SSBP2: variants seen among roughly 807,000 people sequenced by gnomAD.
The protein encoded by SSBP2 is single stranded DNA binding protein 2, also known as single-stranded DNA-binding protein 2.
A neutral mutation model predicts 61.8 loss-of-function variants in SSBP2; 17 were observed. The observed-to-expected ratio is 0.28, with a 90% CI of 0.19 to 0.41. SSBP2 has a LOEUF of 0.41. Among genes scored for constraint, SSBP2 ranks in the 10% least tolerant of loss-of-function variants. The probability of loss-of-function intolerance (pLI) is 1.00; values close to 1 mark genes in which losing one functional copy is unlikely to be tolerated. For missense variants in SSBP2, 310 were observed against 458.7 expected, an observed-to-expected ratio of 0.68 and a Z score of 2.96; for synonymous variants, 139 against 141.3, an observed-to-expected ratio of 0.98 and a Z score of 0.12.
chr5:81,492,717 T>C (rs1257626854), intron 5 of SSBP2, among the ~76,000 whole-genome samples: 1 of 152,100 alleles, frequency 6.6e-6, no homozygotes, highest in African/African-American at 2.4e-5. Context: ...AACATTTGAC[T>C]GGGAGTCAAA....
chr5:81,551,666 C>CTT lies in SSBP2; in HGVS notation c.283-37951_283-37950dup, dbSNP rs1230063482. On this transcript the variant is annotated intron_variant, in intron 4 of 16. Transcript: ENST00000320672. Reference sequence around the variant, plus strand: ...GCATTTCTTCCAGTAAAGCTCTCAACTTAAATCTTATTTAAATTTTTTGTT... The same window carrying CTT: ...GCATTTCTTCCAGTAAAGCTCTCAACTTTTAAATCTTATTTAAATTTTTTGTT... Among the ~76,000 whole-genome samples the CTT allele has an allele frequency of 9.2e-5, 14 of 152,206 alleles. No individual in the cohort carries two copies. In the South Asian group the frequency reaches 2.3e-3, roughly 25 times the overall value.
At chr5:81,514,708 A>G (rs10036712) in intron 4 of SSBP2, among the ~76,000 whole-genome samples, 62,926 of 151,874 alleles carry the variant, frequency 0.41, 15,197 homozygotes, top group African/African-American at 0.68. Flanking sequence ...TCATTCATGC[A>G]TTAATATTCC....
intron 4 of SSBP2, among the ~76,000 whole-genome samples, chr5:81,549,047 T>C (rs935553380): frequency 3.5e-4 from 53 of 152,214 alleles, no homozygotes; most frequent in African/African-American, 1.3e-3. Context: ...AAGCAAGATA[T>C]AGTTATAGTT....
At chr5:81,641,462 T>C (rs1282885764) in intron 2 of SSBP2, among the ~76,000 whole-genome samples, 1 of 152,226 alleles carries the variant, frequency 6.6e-6, no homozygotes, top group African/African-American at 2.4e-5. Context: ...AGGTAAAACT[T>C]CCGTCCATCA....
chr5:81,464,625 A>G (rs968485432), intron 9 of SSBP2, among the ~76,000 whole-genome samples: 1 of 152,146 alleles, frequency 6.6e-6, no homozygotes, highest in Non-Finnish European at 1.5e-5. Context: ...TTTTATTGTC[A>G]TCATACTCTC....
chr5:81,611,025 A>C (rs1348996949), intron 4 of SSBP2, among the ~76,000 whole-genome samples: 2 of 152,144 alleles, frequency 1.3e-5, no homozygotes, highest in Non-Finnish European at 2.9e-5. Context: ...ACAAAAACAG[A>C]TAACCTAGTC....
intron 5 of SSBP2, among the ~76,000 whole-genome samples, chr5:81,504,767 C>A (rs552435932): frequency 6.6e-6 from 1 of 152,116 alleles, no homozygotes; most frequent in East Asian, 1.9e-4. Flanking sequence ...TCTATGAAGA[C>A]AAGAATTTCT....
chr5:81,466,364 T>C (rs1764890452), intron 9 of SSBP2, among the ~76,000 whole-genome samples: 1 of 151,998 alleles, frequency 6.6e-6, no homozygotes, highest in African/African-American at 2.4e-5. Context: ...AAAAATTTAG[T>C]TTACTCCTTA....
In SSBP2 at chr5:81,692,877, A is replaced by T. The variant is rs1387429396; in HGVS notation, c.63-42538T>A. 2.6e-5 allele frequency among the ~76,000 whole-genome samples: 4 copies of T among 152,284 alleles called. No individual in the cohort carries two copies. The East Asian group carries it at 7.7e-4, about 29-fold the overall frequency. On this transcript the variant is annotated intron_variant, in intron 1 of 16. Transcript: ENST00000320672. ...CAAATCAAAATGGATTACAGACTTA[A>T]ATCTAAGACCTCAAACTATAAAACT...
rs1172112341 is a variant in SSBP2, at chr5:81,419,093, A to C, written c.*1411T>G. 6.6e-6 allele frequency: 1 copy of C among 152,208 alleles called. No homozygotes were observed. The highest frequency in any genetic ancestry group is 3.2e-3 in the Middle Eastern group (1 of 316). 9.4% of individuals were successfully genotyped at this position (152,208 alleles called of 1,614,324 possible). A position where few individuals can be genotyped will look rare whatever the true frequency, so the allele number is the denominator to read the frequency against. ...GTGTATGTATGTATAATTAAGCACA[A>C]AATCCCAAAAGATCTGGAAAGTGCC... is the stretch of plus-strand genomic sequence containing the variant. On this transcript the variant is annotated 3_prime_UTR_variant, in exon 17 of 17. Coordinates refer to ENST00000320672, the MANE Select transcript of SSBP2 (RefSeq NM_012446.5).
intron 4 of SSBP2, among the ~76,000 whole-genome samples, chr5:81,568,779 A>C (rs562302935): frequency 1.3e-5 from 2 of 152,358 alleles, no homozygotes; most frequent in East Asian, 3.9e-4. Context: ...TCTATAAGTA[A>C]CAAGCCAAAA....
rs1744443744 is a variant in SSBP2 at position 81,602,310 on chromosome 5, AAATAT to A, written c.282+13158_282+13162del. Among the ~76,000 whole-genome samples, 3 of 152,198 alleles carry A rather than the reference AAATAT, an allele frequency of 2.0e-5. No individual in the cohort carries two copies. In the South Asian group the frequency reaches 6.2e-4, roughly 32 times the overall value. On this transcript the variant is annotated intron_variant, in intron 4 of 16. Coordinates refer to ENST00000320672, the MANE Select transcript of SSBP2 (RefSeq NM_012446.5). The stretch of plus-strand genomic sequence containing the variant: ...TATAGGTTTCTACGCATCAATTTAT[AAATAT>A]AATTATTTTTAAAACTTTATAAGCT...
At position 81,720,445 on chromosome 5, in the gene SSBP2, C is replaced by A. The variant is rs868035012; in HGVS notation, c.62+30536G>T. On this transcript the variant is annotated intron_variant, in intron 1 of 16. Coordinates refer to ENST00000320672, the MANE Select transcript of SSBP2 (RefSeq NM_012446.5). The stretch of plus-strand genomic sequence containing the variant: ...AACTTCTGAGAAAGTCATACTACTG[C>A]TGTCAGAATCTTTCAGAACACTAAA... 2.0e-5 allele frequency among the ~76,000 whole-genome samples: 3 copies of A among 152,310 alleles called. No homozygotes were observed. The South Asian group carries it at 6.2e-4, about 32-fold the overall frequency.
chr5:81,713,777 C>G (rs1754970485), intron 1 of SSBP2, among the ~76,000 whole-genome samples: 1 of 151,912 alleles, frequency 6.6e-6, no homozygotes, highest in African/African-American at 2.4e-5. Flanking sequence ...AGCAAACAAA[C>G]AAACAAACAA....
chr5:81,725,372 A>C (rs1377108559), intron 1 of SSBP2, among the ~76,000 whole-genome samples: 1 of 152,216 alleles, frequency 6.6e-6, no homozygotes, highest in Non-Finnish European at 1.5e-5. Context: ...ACAGAGTGCC[A>C]GTGGAAATGG....
intron 4 of SSBP2, among the ~76,000 whole-genome samples, chr5:81,606,817 C>T (rs910214082): frequency 6.6e-6 from 1 of 152,146 alleles, no homozygotes; most frequent in Admixed American, 6.5e-5. Flanking sequence ...TGGTTATATT[C>T]CTGGTCTGGA....
chr5:81,605,638 G>A (rs893519902), intron 4 of SSBP2, among the ~76,000 whole-genome samples: 7 of 152,028 alleles, frequency 4.6e-5, no homozygotes, highest in Non-Finnish European at 7.4e-5. Flanking sequence ...TTTAACTTCA[G>A]AGTAATTTAT....
rs76399327 is a variant in SSBP2 at position 81,634,832 on chromosome 5, C to G, written c.197+1725G>C. Among the ~76,000 whole-genome samples, 312 of 152,340 alleles carry G rather than the reference C, an allele frequency of 2.0e-3. 1 individual carries two copies. Among genetic ancestry groups the G allele is most frequent in the African/African-American group, 7.2e-3 (299 of 41,576 alleles). ...TCTCTCCATGCTTTTCTGGCCAACT[C>G]TTATATCTACTTAATGCCTTGGCTT... is the stretch of plus-strand genomic sequence containing the variant. On this transcript the variant is annotated intron_variant, in intron 3 of 16. Coordinates refer to ENST00000320672, the MANE Select transcript of SSBP2 (RefSeq NM_012446.5).
At chr5:81,657,209 T>C (rs1469189994) in intron 1 of SSBP2, among the ~76,000 whole-genome samples, 1 of 152,186 alleles carries the variant, frequency 6.6e-6, no homozygotes, top group Non-Finnish European at 1.5e-5. Context: ...TATATCCTTT[T>C]ATATCCCAGC....
Sources: gnomAD v4.1 joint callset for allele counts (sites outside exome capture counted in the v4.1 genomes callset) on GRCh38, gnomAD v4.1.1 for gene constraint, MANE v1.5 for transcripts, NCBI Gene and HGNC (gene_info 2026-07-23, HGNC 2026-07-21) for gene names.